BBS1: variants seen among roughly 807,000 people sequenced by gnomAD.
The protein encoded by BBS1 is Bardet-Biedl syndrome 1.
In BBS1, 60 loss-of-function variants were observed where a neutral mutation model predicts 73.9. The ratio of observed to expected loss-of-function variants is 0.81; its 90% CI spans 0.66 to 1.01. BBS1 has a LOEUF of 1.01. Among genes scored for constraint, BBS1 ranks in the 50% least tolerant of loss-of-function variants. The pLI is 0.00. For missense variants in BBS1, 718 were observed against 770.3 expected, an observed-to-expected ratio of 0.93 and a Z score of 0.80; for synonymous variants, 283 against 317.4, an observed-to-expected ratio of 0.89 and a Z score of 1.15.
In BBS1 at chr11:66,527,291, T is replaced by TGTTCATTCATTCATCGTTC. The variant is rs765509798; in HGVS notation, c.1339+499_1339+517dup. 4.5e-3 allele frequency among the ~76,000 whole-genome samples: 683 copies of TGTTCATTCATTCATCGTTC among 152,254 alleles called. 1 individual carries two copies. The highest frequency in any genetic ancestry group is 6.7e-3 in the Non-Finnish European group (458 of 67,988). Reference sequence around the variant, plus strand: ...GTCCAGTTTTTCCTGCCCGTTTATTTGTTCATTCATTCATCGTTCGTTCAT... The same window carrying TGTTCATTCATTCATCGTTC: ...GTCCAGTTTTTCCTGCCCGTTTATTTGTTCATTCATTCATCGTTCGTTCATTCATTCATCGTTCGTTCAT... On this transcript the variant is annotated intron_variant, in intron 13 of 16. Transcript: ENST00000318312.
intron 9 of BBS1, among the ~76,000 whole-genome samples, chr11:66,521,904 CAAAAAAAAAAA>C (rs1183524219): frequency 5.5e-5 from 2 of 36,486 alleles, no homozygotes; most frequent in East Asian, 9.2e-4. Flanking sequence ...GACTCCGTCT[CAAAAAAAAAAA>C]AAAAAAAAAA....
intron 16 of BBS1, 82 bp from the exon 17 acceptor site, chr11:66,531,869 G>A: frequency 1.3e-6 from 2 of 1,591,486 alleles, no homozygotes; most frequent in African/African-American, 2.7e-5. Context: ...GTGGAGCCCT[G>A]TGGCCTGTCA....
chr11:66,523,424 T>C (rs1368601942), intron 9 of BBS1, 32 bp from the exon 10 acceptor site: 4 of 1,614,016 alleles, frequency 2.5e-6, no homozygotes, highest in Admixed American at 3.3e-5. Context: ...AGGATTTCTC[T>C]GGGGCCAGAC....
intron 13 of BBS1, 118 bp from the exon 14 acceptor site, chr11:66,529,701 C>A: frequency 7.6e-7 from 1 of 1,312,784 alleles, no homozygotes; most frequent in South Asian, 1.2e-5. Context: ...GCAGACTCCT[C>A]CTGCAGCACC....
At chr11:66,522,940 G>C (rs1340494560) in intron 9 of BBS1, 1 of 355,134 alleles carries the variant, frequency 2.8e-6, no homozygotes, top group Non-Finnish European at 5.5e-6. Context: ...GTCGGGAAGA[G>C]TGTTGTAGGC....
At chr11:66,515,616 CCTCA>C (rs1565281966) in intron 5 of BBS1, 30 bp downstream of exon 5, 3 of 1,614,176 alleles carry the variant, frequency 1.9e-6, no homozygotes, top group Admixed American at 1.7e-5. Flanking sequence ...TTCATACCCC[CCTCA>C]CTCCTTCATC....
At chr11:66,515,463 T>C in intron 4 of BBS1, 77 bp from the exon 5 acceptor site, 1 of 1,499,654 alleles carries the variant, frequency 6.7e-7, no homozygotes, top group Non-Finnish European at 9.3e-7. Context: ...CCTAGAAGTG[T>C]GGAGCTGTCT....
intron 3 of BBS1, among the ~76,000 whole-genome samples, chr11:66,514,200 A>T (rs1395357428): frequency 6.6e-6 from 1 of 152,244 alleles, no homozygotes; most frequent in African/African-American, 2.4e-5. Flanking sequence ...ACCACATACC[A>T]TGAAAGTATC....
At chr11:66,529,780 C>G in intron 13 of BBS1, 39 bp from the exon 14 acceptor site, 2 of 1,607,594 alleles carry the variant, frequency 1.2e-6, no homozygotes, top group East Asian at 2.2e-5. Context: ...CCTGCCACCC[C>G]CCACCTCCAC....
chr11:66,529,180 G>A, intron 13 of BBS1: 59 of 1,457,198 alleles, frequency 4.0e-5, no homozygotes, highest in Non-Finnish European at 5.3e-5. Context: ...GGAAGAGGAG[G>A]GACAGTGGGG....
intron 3 of BBS1, among the ~76,000 whole-genome samples, chr11:66,512,066 A>ATATATATGTGTATATATATG (rs1855965536): frequency 1.4e-5 from 2 of 146,876 alleles, no homozygotes; most frequent in African/African-American, 5.0e-5. Context: ...ATATATATGT[A>ATATATATGTGTATATATATG]TATATATATA....
rs764165386 is a variant in BBS1, at chr11:66,519,671, G to A, written c.646G>A (p.Val216Met). The A allele has an allele frequency of 1.9e-6, 3 of 1,613,812 alleles. No individual in the cohort carries two copies. The highest frequency in any genetic ancestry group is 2.5e-6 in the Non-Finnish European group (3 of 1,179,986). ...LKKNLADEDA[V>M]SCLVLGTENK... The stretch of plus-strand genomic sequence containing the variant: ...GAAGAACCTGGCTGACGAGGATGCT[G>A]TGTCTTGCCTGGTGCTGGGCACCGA... The change falls in exon 8 of 17, where the codon GTG (valine) becomes ATG (methionine). Residue 216 changes from valine to methionine, a missense_variant. Transcript: ENST00000318312.
intron 9 of BBS1, 22 bp downstream of exon 9, chr11:66,521,398 G>A (rs774243213): frequency 1.5e-5 from 24 of 1,586,292 alleles, no homozygotes; most frequent in Middle Eastern, 1.7e-4. Flanking sequence ...CGTGGTCTCC[G>A]GGGCCGGGAG....
Position 66,523,248 on chromosome 11 carries a change from C to G in BBS1, c.831-208C>G, listed in dbSNP as rs942455633. The G allele has an allele frequency of 1.8e-5, 13 of 704,134 alleles. No individual in the cohort carries two copies. The African/African-American group carries it at 2.3e-4, about 12-fold the overall frequency. 43.6% of individuals were successfully genotyped at this position (704,134 alleles called of 1,614,324 possible). The stretch of plus-strand genomic sequence containing the variant: ...GTGAAGGTGGGAGGAAGACAAGACA[C>G]CATAGTGAAGGTGGGAGGAAGACAC... On this transcript the variant is annotated intron_variant, in intron 9 of 16. Coordinates refer to ENST00000318312, the MANE Select transcript of BBS1 (RefSeq NM_024649.5).
Position 66,532,097 on chromosome 11 carries a change from T to C in BBS1, c.*60T>C. 2 of 1,523,430 alleles carry C rather than the reference T, an allele frequency of 1.3e-6. No individual in the cohort carries two copies. Among genetic ancestry groups the C allele is most frequent in the East Asian group, 2.4e-5 (1 of 41,262 alleles). 94.4% of individuals were successfully genotyped at this position (1,523,430 alleles called of 1,614,324 possible). A position where few individuals can be genotyped will look rare whatever the true frequency, so the allele number is the denominator to read the frequency against. ...GCCAGGGAGAACTGGGCGGGTTTAG[T>C]GGCCCCAGGCCCACTCCTCATGCAG... On this transcript the variant is annotated 3_prime_UTR_variant, in exon 17 of 17. Transcript: ENST00000318312.
intron 7 of BBS1, among the ~76,000 whole-genome samples, chr11:66,517,624 C>T (rs377013810): frequency 3.3e-5 from 5 of 151,992 alleles, no homozygotes; most frequent in South Asian, 4.2e-4. Flanking sequence ...CACACCACCA[C>T]GCCCAGCTAA....
intron 12 of BBS1, among the ~76,000 whole-genome samples, 198 bp downstream of exon 12, chr11:66,526,390 T>C (rs1354230617): frequency 6.6e-6 from 1 of 152,186 alleles, no homozygotes; most frequent in Non-Finnish European, 1.5e-5. Flanking sequence ...ATTCGATCTT[T>C]CTAGTTCACC....
At chr11:66,530,064 C>A in intron 14 of BBS1, 112 bp downstream of exon 14, 1 of 1,454,618 alleles carries the variant, frequency 6.9e-7, no homozygotes. Flanking sequence ...CCAACTCAGC[C>A]CGTGCTCCCC....
chr11:66,516,170 G>A (rs1404376876), intron 7 of BBS1, among the ~76,000 whole-genome samples: 2 of 141,602 alleles, frequency 1.4e-5, no homozygotes, highest in Non-Finnish European at 3.0e-5. Context: ...CTGTCACCCA[G>A]GCTGGAGTAC....
Sources: allele counts gnomAD v4.1 joint callset (sites outside exome capture counted in the v4.1 genomes callset), GRCh38; gene constraint gnomAD v4.1.1; transcripts MANE v1.5; gene names NCBI Gene and HGNC (gene_info 2026-07-23, HGNC 2026-07-21).